Variants in KIF1C observed in about 807,000 individuals in gnomAD.
KIF1C encodes the protein kinesin family member 1C, also known as kinesin-like protein KIF1C.
A neutral mutation model predicts 126.5 loss-of-function variants in KIF1C; 61 were observed. The ratio of observed to expected loss-of-function variants is 0.48; its 90% CI spans 0.39 to 0.60. The LOEUF (loss-of-function observed/expected upper bound fraction) is 0.60, where lower values mean the gene tolerates loss of function less well. Ranked by LOEUF, KIF1C falls within the 20% of genes least tolerant of loss-of-function variation. The pLI, the probability that KIF1C is intolerant of heterozygous loss-of-function variation, is 0.00. For missense variants in KIF1C, 1,315 were observed against 1,489.2 expected, an observed-to-expected ratio of 0.88 and a Z score of 1.93; for synonymous variants, 640 against 580.6, an observed-to-expected ratio of 1.10 and a Z score of -1.47.
chr17:5,024,362 G>A lies in KIF1C; in HGVS notation c.*211G>A. 1 of 455,870 alleles carries A rather than the reference G, an allele frequency of 2.2e-6. No individual in the cohort carries two copies. Among genetic ancestry groups the A allele is most frequent in the Non-Finnish European group, 3.9e-6 (1 of 258,172 alleles). 28.2% of individuals were successfully genotyped at this position (455,870 alleles called of 1,614,324 possible). ...GTTGCCAGGAGCAAACCAAAGTGAA[G>A]AGAGAGATAGGAAGCTGCCTCGGGG... is the stretch of plus-strand genomic sequence containing the variant. On this transcript the variant is annotated 3_prime_UTR_variant, in exon 23 of 23. Transcript: ENST00000320785.
intron 16 of KIF1C, among the ~76,000 whole-genome samples, chr17:5,012,414 G>T (rs1974885405): frequency 6.6e-6 from 1 of 152,150 alleles, no homozygotes; most frequent in East Asian, 1.9e-4. Context: ...TGGCAGTCAG[G>T]GATGCAGGAG....
intron 11 of KIF1C, 110 bp from the exon 12 acceptor site, chr17:5,004,457 C>G (rs1442114521): frequency 1.1e-5 from 11 of 985,048 alleles, no homozygotes; most frequent in Non-Finnish European, 1.6e-5. Context: ...TACCTCAGAC[C>G]ATGACCCTGT....
rs1974618390 is a variant in KIF1C at position 5,002,417 on chromosome 17, A to T, written c.430-47A>T. The stretch of plus-strand genomic sequence containing the variant: ...TGGAGTCAGATTAAGTTGCGTTGTC[A>T]TTGTTTTTGCTAGTTTTGTTACTTC... On this transcript the variant is annotated intron_variant, in intron 6 of 22. Transcript: ENST00000320785. The T allele has an allele frequency of 2.0e-6, 3 of 1,522,676 alleles. No individual in the cohort carries two copies. In the East Asian group the frequency reaches 6.8e-5, roughly 35 times the overall value. The allele number at this position is 1,522,676 out of a possible 1,614,324, so 94.3% of individuals were successfully genotyped here.
At chr17:5,000,155 C>A (rs996547016) in intron 2 of KIF1C, 65 bp from the exon 3 acceptor site, 26 of 869,944 alleles carry the variant, frequency 3.0e-5, no homozygotes, top group Non-Finnish European at 4.6e-5. Flanking sequence ...CGGGAAGAAG[C>A]TGGGAGGCAA....
At chr17:5,012,520 C>T (rs989180439) in intron 16 of KIF1C, among the ~76,000 whole-genome samples, 12 of 151,752 alleles carry the variant, frequency 7.9e-5, no homozygotes, top group East Asian at 5.8e-4. Context: ...GGACTGGAGC[C>T]GGGACATGGA....
At position 5,000,972 on chromosome 17, in the gene KIF1C, C is replaced by G. The variant is rs546190242; in HGVS notation, c.183+124C>G. On this transcript the variant is annotated intron_variant, in intron 4 of 22. Transcript: ENST00000320785. ...GTCAGGGTGAATTGGGAGGATGATCCTGGGTGGGGGTGGTAGGACCCTTAG... is the reference window on the plus strand; with the variant it reads ...GTCAGGGTGAATTGGGAGGATGATCGTGGGTGGGGGTGGTAGGACCCTTAG... 2.8e-6 allele frequency: 3 copies of G among 1,069,242 alleles called. No individual in the cohort carries two copies. In the Admixed American group the frequency reaches 5.6e-5, roughly 20 times the overall value. The allele number at this position is 1,069,242 out of a possible 1,614,324, so 66.2% of individuals were successfully genotyped here.
At chr17:5,015,422 T>C (rs1974952177) in intron 18 of KIF1C, among the ~76,000 whole-genome samples, 1 of 150,984 alleles carries the variant, frequency 6.6e-6, no homozygotes, top group Non-Finnish European at 1.5e-5. Flanking sequence ...TAGCCGGGAT[T>C]ACAAGCATGT....
At chr17:5,004,444 C>A (rs1014523290) in intron 11 of KIF1C, 123 bp from the exon 12 acceptor site, 29 of 864,270 alleles carry the variant, frequency 3.4e-5, no homozygotes, top group Admixed American at 2.1e-4. Flanking sequence ...CGCTAGACTC[C>A]CCTACCTCAG....
chr17:5,000,876 A>G (rs1567719242), intron 4 of KIF1C, 28 bp downstream of exon 4: 2 of 1,597,754 alleles, frequency 1.3e-6, no homozygotes, highest in Non-Finnish European at 1.7e-6. Flanking sequence ...GGGAAGAGCA[A>G]GGCAGTGAGA....
chr17:5,011,969 G>A (rs555726098), intron 16 of KIF1C: 15 of 152,160 alleles, frequency 9.9e-5, no homozygotes, highest in Non-Finnish European at 1.5e-5. Context: ...TCTTCACTTT[G>A]TTCCTCTTTG....
rs1974574681 is a variant in KIF1C, at chr17:5,000,959, TG to T, written c.183+114del. 15 of 1,159,052 alleles carry T rather than the reference TG, an allele frequency of 1.3e-5. No homozygotes were observed. In the South Asian group the frequency reaches 1.7e-4, roughly 13 times the overall value. 71.8% of individuals were successfully genotyped at this position (1,159,052 alleles called of 1,614,324 possible). A position where few individuals can be genotyped will look rare whatever the true frequency, so the allele number is the denominator to read the frequency against. ...CCCCAGGGGATTAGTCAGGGTGAAT[TG>T]GGAGGATGATCCTGGGTGGGGGTGG... On this transcript the variant is annotated intron_variant, in intron 4 of 22. Transcript: ENST00000320785.
In KIF1C at chr17:5,020,738, G is replaced by C; in HGVS notation, c.1937+60G>C. On this transcript the variant is annotated intron_variant, in intron 20 of 22. Coordinates refer to ENST00000320785, the MANE Select transcript of KIF1C (RefSeq NM_006612.6). The surrounding 1 kb of genome is among the most constrained non-coding windows in gnomAD (Gnocchi z 5.8). ...CTAGGCCGTCCCTCCCGGGCCTCTG[G>C]GCCCGTGTCCTCCTCTTGTCAGATA... 3.7e-6 allele frequency: 6 copies of C among 1,607,894 alleles called. No individual in the cohort carries two copies. Among genetic ancestry groups the C allele is most frequent in the Non-Finnish European group, 5.1e-6 (6 of 1,176,594 alleles).
At chr17:5,017,195 C>T (rs1169895994) in intron 18 of KIF1C, among the ~76,000 whole-genome samples, 6 of 151,900 alleles carry the variant, frequency 3.9e-5, no homozygotes, top group Non-Finnish European at 7.4e-5. Flanking sequence ...AGATGACACC[C>T]GTGTGCAAGA....
At position 5,004,568 on chromosome 17, in the gene KIF1C, G is replaced by A; in HGVS notation, c.942G>A (p.Gly314=). 20 of 1,614,088 alleles carry A rather than the reference G, an allele frequency of 1.2e-5. No individual in the cohort carries two copies. Among genetic ancestry groups the A allele is most frequent in the Non-Finnish European group, 1.7e-5 (20 of 1,179,986 alleles). ...CTTTTCCATGCACTCCATTCACAGG[G>A]GGGAACTCACGCACAGCCATGATTG... ...VLTWLLKENL[G]GNSRTAMIAA... Residue 314 remains glycine (G), a splice_region_variant and synonymous_variant, in exon 12 of 23, where the codon GGG becomes GGA. Coordinates refer to ENST00000320785, the MANE Select transcript of KIF1C (RefSeq NM_006612.6).
rs1322120270 is a variant in KIF1C at position 5,015,608 on chromosome 17, T to TA, written c.1666+772dup. ...TTTTTTTTTTTTTTTTTTTTTTTTTTATCATTTGAGACGGAGTCTCACTGT... is the reference window on the plus strand; with the variant it reads ...TTTTTTTTTTTTTTTTTTTTTTTTTTAATCATTTGAGACGGAGTCTCACTGT... On this transcript the variant is annotated intron_variant, in intron 18 of 22. Transcript: ENST00000320785. Among the ~76,000 whole-genome samples, 21 of 140,618 alleles carry TA rather than the reference T, an allele frequency of 1.5e-4. 1 individual carries two copies. Among genetic ancestry groups the TA allele is most frequent in the East Asian group, 6.1e-4 (3 of 4,918 alleles). The allele number at this position is 140,618 out of a possible 152,430, so 92.3% of individuals were successfully genotyped here. A position where few individuals can be genotyped will look rare whatever the true frequency, so the allele number is the denominator to read the frequency against.
intron 16 of KIF1C, among the ~76,000 whole-genome samples, chr17:5,008,296 G>C (rs1427243357): frequency 6.6e-6 from 1 of 152,208 alleles, no homozygotes; most frequent in Non-Finnish European, 1.5e-5. Context: ...CAGTCAGAAA[G>C]GACACTGGAT....
chr17:5,021,996 G>T, intron 21 of KIF1C, 96 bp from the exon 22 acceptor site: 1 of 1,373,574 alleles, frequency 7.3e-7, no homozygotes, highest in South Asian at 1.4e-5. Context: ...GCTCCCTGAT[G>T]GGCGTGTTTC....
intron 18 of KIF1C, 89 bp downstream of exon 18, chr17:5,014,926 A>G: frequency 9.3e-7 from 1 of 1,076,692 alleles, no homozygotes; most frequent in Non-Finnish European, 1.4e-6. Flanking sequence ...TGGGTTGGGC[A>G]CCAGGGAGTG....
At chr17:5,012,398 G>A (rs1974885145) in intron 16 of KIF1C, among the ~76,000 whole-genome samples, 1 of 152,132 alleles carries the variant, frequency 6.6e-6, no homozygotes, top group South Asian at 2.1e-4. Context: ...CTGTTGTTGG[G>A]GACATTGGCA....
Sources: allele counts gnomAD v4.1 joint callset (sites outside exome capture counted in the v4.1 genomes callset), GRCh38; gene constraint gnomAD v4.1.1; non-coding constraint Gnocchi (gnomAD v3.1); transcripts MANE v1.5; gene names NCBI Gene and HGNC (gene_info 2026-07-23, HGNC 2026-07-21).